PIK3CB: variants seen among roughly 807,000 people sequenced by gnomAD.
PIK3CB encodes the protein phosphatidylinositol-4,5-bisphosphate 3-kinase catalytic subunit beta.
A neutral mutation model predicts 136.8 loss-of-function variants in PIK3CB; 39 were observed. That is an observed-to-expected ratio of 0.29 (90% CI 0.22 to 0.37). The LOEUF (loss-of-function observed/expected upper bound fraction) is 0.37, where lower values mean the gene tolerates loss of function less well. Among genes scored for constraint, PIK3CB ranks in the 10% least tolerant of loss-of-function variants. The probability of loss-of-function intolerance (pLI) is 1.00; values close to 1 mark genes in which losing one functional copy is unlikely to be tolerated. For missense variants in PIK3CB, 868 were observed against 1,275.4 expected, an observed-to-expected ratio of 0.68 and a Z score of 4.87; for synonymous variants, 428 against 436.6, an observed-to-expected ratio of 0.98 and a Z score of 0.25.
chr3:138,697,778 C>G (rs571825922), intron 13 of PIK3CB, among the ~76,000 whole-genome samples: 1 of 151,990 alleles, frequency 6.6e-6, no homozygotes, highest in Non-Finnish European at 1.5e-5. Flanking sequence ...ACTCTATTGC[C>G]CAGGGTAGAG....
chr3:138,733,171 A>G (rs934917055), intron 8 of PIK3CB, among the ~76,000 whole-genome samples, 190 bp downstream of exon 8: 13 of 151,962 alleles, frequency 8.6e-5, no homozygotes, highest in Admixed American at 3.9e-4. Context: ...AAGTCTTTGA[A>G]TTTTAAAACA....
chr3:138,806,823 A>G (rs2046239391), intron 1 of PIK3CB, among the ~76,000 whole-genome samples: 1 of 152,226 alleles, frequency 6.6e-6, no homozygotes, highest in African/African-American at 2.4e-5. Context: ...TGGACGTTGA[A>G]GAATACCACC....
intron 1 of PIK3CB, among the ~76,000 whole-genome samples, chr3:138,818,448 G>A (rs1262139051): frequency 6.6e-6 from 1 of 152,132 alleles, no homozygotes; most frequent in Non-Finnish European, 1.5e-5. Context: ...AAACAAGATG[G>A]TTTAACTATA....
At chr3:138,667,326 C>G (rs1251204810) in intron 19 of PIK3CB, among the ~76,000 whole-genome samples, 1 of 151,562 alleles carries the variant, frequency 6.6e-6, no homozygotes, top group Non-Finnish European at 1.5e-5. Flanking sequence ...GTGAAAAGAC[C>G]ATGCAGGTTC....
chr3:138,707,276 T>C lies in PIK3CB; in HGVS notation c.1413A>G (p.Glu471=), dbSNP rs773670698. The C allele has an allele frequency of 1.3e-6, 2 of 1,598,614 alleles. No individual in the cohort carries two copies. The highest frequency in any genetic ancestry group is 1.7e-6 in the Non-Finnish European group (2 of 1,174,474). ...SWSSFPDELE[E]MLNPMGTVQT... is the part of the protein sequence containing the mutation. ...GAACAGTTCCCATTGGATTCAACAT[T>C]TCTTCGAGTTCATCTAAAACATGCA... Residue 471 remains glutamate (E), a synonymous_variant, in exon 11 of 24, where the codon GAA becomes GAG. Transcript: ENST00000674063.
At chr3:138,832,013 G>A (rs1436840288) in intron 1 of PIK3CB, among the ~76,000 whole-genome samples, 1 of 152,146 alleles carries the variant, frequency 6.6e-6, no homozygotes, top group Non-Finnish European at 1.5e-5. Flanking sequence ...AAAACCAAGA[G>A]GTGACTTCTG....
intron 2 of PIK3CB, among the ~76,000 whole-genome samples, chr3:138,766,528 C>T (rs772349860): frequency 2.0e-5 from 3 of 152,100 alleles, no homozygotes; most frequent in Admixed American, 6.6e-5. Flanking sequence ...TTTACTTTAA[C>T]AGTTGCCCAT....
At chr3:138,740,334 G>T (rs1009522425) in intron 5 of PIK3CB, among the ~76,000 whole-genome samples, 4 of 152,176 alleles carry the variant, frequency 2.6e-5, no homozygotes, top group African/African-American at 7.2e-5. Context: ...CTGCAGCCTG[G>T]ACGACAAAGT....
intron 10 of PIK3CB, among the ~76,000 whole-genome samples, chr3:138,707,971 T>A (rs1176017419): frequency 6.6e-6 from 1 of 152,178 alleles, no homozygotes; most frequent in Admixed American, 6.5e-5. Context: ...AATTTTTTTA[T>A]TTCACAGATA....
At chr3:138,794,749 T>C (rs781249877) in intron 2 of PIK3CB, among the ~76,000 whole-genome samples, 14 of 152,196 alleles carry the variant, frequency 9.2e-5, no homozygotes, top group Non-Finnish European at 1.9e-4. Flanking sequence ...AATAAATATA[T>C]AGTCATCTGT....
intron 8 of PIK3CB, among the ~76,000 whole-genome samples, chr3:138,723,778 G>C (rs987125418): frequency 1.3e-5 from 2 of 152,122 alleles, no homozygotes; most frequent in Non-Finnish European, 2.9e-5. Context: ...TGTTGAATAA[G>C]ATATGAATTT....
chr3:138,690,287 A>G (rs2043980884), intron 15 of PIK3CB, among the ~76,000 whole-genome samples: 1 of 151,922 alleles, frequency 6.6e-6, no homozygotes, highest in Non-Finnish European at 1.5e-5. Flanking sequence ...GAAAGAGAGA[A>G]AGAAAGAAAA....
chr3:138,786,340 AAAT>A (rs2045981660), intron 2 of PIK3CB, among the ~76,000 whole-genome samples: 1 of 152,162 alleles, frequency 6.6e-6, no homozygotes, highest in Non-Finnish European at 1.5e-5. Flanking sequence ...TCCTTTTTGA[AAAT>A]AATGTGATTT....
chr3:138,665,760 G>A (rs1488246383), intron 19 of PIK3CB, among the ~76,000 whole-genome samples: 2 of 152,072 alleles, frequency 1.3e-5, no homozygotes, highest in Non-Finnish European at 2.9e-5. Flanking sequence ...TTTTGACACA[G>A]GGTTTGGCCA....
chr3:138,683,128 A>G (rs361064), intron 18 of PIK3CB, among the ~76,000 whole-genome samples: 93,774 of 152,010 alleles, frequency 0.62, 29,675 homozygotes, highest in East Asian at 0.98. Flanking sequence ...CGGGGTGGGT[A>G]AATCACTTGA....
intron 18 of PIK3CB, among the ~76,000 whole-genome samples, chr3:138,683,022 T>C (rs2043811609): frequency 6.6e-6 from 1 of 152,158 alleles, no homozygotes; most frequent in African/African-American, 2.4e-5. Context: ...AAAATCAATA[T>C]TGCTATCACT....
At chr3:138,771,518 C>A (rs1490749098) in intron 2 of PIK3CB, among the ~76,000 whole-genome samples, 1 of 152,010 alleles carries the variant, frequency 6.6e-6, no homozygotes, top group African/African-American at 2.4e-5. Context: ...CGCGCCCGGC[C>A]CTAGAACTTC....
At chr3:138,674,093 G>A (rs1055188768) in intron 19 of PIK3CB, among the ~76,000 whole-genome samples, 3 of 151,828 alleles carry the variant, frequency 2.0e-5, no homozygotes, top group Non-Finnish European at 4.4e-5. Context: ...CTAACTGAAA[G>A]CTTAAAAGGA....
chr3:138,813,700 AGCCACCGCGCC>A (rs1219320322), intron 1 of PIK3CB, among the ~76,000 whole-genome samples: 65 of 152,060 alleles, frequency 4.3e-4, no homozygotes, highest in African/African-American at 1.5e-3. Flanking sequence ...TACAGGCGTG[AGCCACCGCGCC>A]CAGCCGATTA....
Sources: gnomAD v4.1 joint callset for allele counts (sites outside exome capture counted in the v4.1 genomes callset) on GRCh38, gnomAD v4.1.1 for gene constraint, MANE v1.5 for transcripts, NCBI Gene and HGNC (gene_info 2026-07-23, HGNC 2026-07-21) for gene names.